AP4E1: variants seen among roughly 807,000 people sequenced by gnomAD.
AP4E1 encodes the protein adaptor related protein complex 4 subunit epsilon 1.
A neutral mutation model predicts 128.2 loss-of-function variants in AP4E1; 56 were observed. The ratio of observed to expected loss-of-function variants is 0.44; its 90% CI spans 0.35 to 0.55. The LOEUF (loss-of-function observed/expected upper bound fraction) is 0.55. Ranked by LOEUF, AP4E1 falls within the 20% of genes least tolerant of loss-of-function variation. AP4E1 has a pLI of 0.00. For synonymous variants in AP4E1, 484 were observed against 473.1 expected (o/e 1.02, Z -0.30); for missense variants, 1,324 against 1,307.7 (o/e 1.01, Z -0.19).
intron 3 of AP4E1, among the ~76,000 whole-genome samples, chr15:50,922,259 A>T (rs903484516): frequency 6.6e-6 from 1 of 151,532 alleles, no homozygotes; most frequent in Non-Finnish European, 1.5e-5. Context: ...TTGAGCTTGG[A>T]AGGTAGAGGC....
At chr15:50,948,899 G>A (rs1185291729) in intron 11 of AP4E1, among the ~76,000 whole-genome samples, 2 of 151,408 alleles carry the variant, frequency 1.3e-5, no homozygotes, top group African/African-American at 4.9e-5. Context: ...TTGAAACTGG[G>A]AGGCGGAGGT....
intron 1 of AP4E1, 88 bp downstream of exon 1, chr15:50,909,016 C>T (rs2063532026): frequency 5.7e-6 from 9 of 1,571,286 alleles, no homozygotes; most frequent in Non-Finnish European, 7.7e-6. Flanking sequence ...GACTTCAGGG[C>T]CTCTGGGGTT....
At chr15:50,947,415 C>CA (rs34715973) in intron 10 of AP4E1, among the ~76,000 whole-genome samples, 3,790 of 117,098 alleles carry the variant, frequency 0.032, 65 homozygotes, top group Middle Eastern at 0.045. Flanking sequence ...GACCCTGTCT[C>CA]AAAAAAAAAA....
chr15:50,978,113 A>T (rs1438881125), intron 15 of AP4E1, among the ~76,000 whole-genome samples: 1 of 152,206 alleles, frequency 6.6e-6, no homozygotes, highest in Non-Finnish European at 1.5e-5. Flanking sequence ...TAGAAAAATG[A>T]ATAAACTTCA....
intron 15 of AP4E1, among the ~76,000 whole-genome samples, chr15:50,969,763 A>G (rs1038316467): frequency 1.3e-5 from 2 of 148,842 alleles, no homozygotes; most frequent in African/African-American, 5.0e-5. Context: ...GGTTCATGCC[A>G]TTCTCCTGCC....
chr15:50,923,308 T>G (rs937152796), intron 3 of AP4E1, among the ~76,000 whole-genome samples: 2 of 152,226 alleles, frequency 1.3e-5, no homozygotes. Flanking sequence ...ACTTTAAAAA[T>G]GTTTTAATAT....
chr15:50,920,280 A>T (rs1383415230), intron 3 of AP4E1, among the ~76,000 whole-genome samples: 1 of 150,962 alleles, frequency 6.6e-6, no homozygotes. Context: ...TGCCTAGCTA[A>T]TTTTTTGTAT....
At chr15:50,988,741 T>C (rs1268775896) in intron 16 of AP4E1, among the ~76,000 whole-genome samples, 1 of 152,170 alleles carries the variant, frequency 6.6e-6, no homozygotes, top group Non-Finnish European at 1.5e-5. Context: ...CTCTATTGCT[T>C]TCACACCGTT....
chr15:50,986,470 G>C (rs2064725495), intron 16 of AP4E1, among the ~76,000 whole-genome samples: 1 of 152,138 alleles, frequency 6.6e-6, no homozygotes, highest in African/African-American at 2.4e-5. Context: ...TTATTATTTT[G>C]AGATACGTCC....
chr15:50,918,190 A>T (rs1009515997), intron 3 of AP4E1: 1 of 152,266 alleles, frequency 6.6e-6, no homozygotes, highest in Non-Finnish European at 1.5e-5. Context: ...AGGCATACAA[A>T]TGACCATGGG....
At chr15:50,932,637 G>A (rs759715555) in intron 7 of AP4E1, among the ~76,000 whole-genome samples, 11 of 152,134 alleles carry the variant, frequency 7.2e-5, no homozygotes, top group Non-Finnish European at 1.5e-4. Context: ...GTATTCTAAT[G>A]TTTTAGCCTA....
Position 50,999,091 on chromosome 15 carries a change from G to T in AP4E1, c.2924G>T (p.Cys975Phe). 6.2e-7 allele frequency: 1 copy of T among 1,614,000 alleles called. No individual in the cohort carries two copies. The highest frequency in any genetic ancestry group is 8.5e-7 in the Non-Finnish European group (1 of 1,179,950). The change falls in exon 19 of 21, where the codon TGC (cysteine) becomes TTC (phenylalanine). Residue 975 changes from cysteine to phenylalanine, a missense_variant. Transcript: ENST00000261842. ...ENFKVTEQPG[C>F]CLPVMEAEST... Reference sequence around the variant, plus strand: ...TTGCAGGTGACTGAGCAACCTGGATGCTGTTTGCCTGTAATGGAAGCAGAA... The same window carrying T: ...TTGCAGGTGACTGAGCAACCTGGATTCTGTTTGCCTGTAATGGAAGCAGAA...
At chr15:50,909,439 T>C (rs2063536903) in intron 1 of AP4E1, among the ~76,000 whole-genome samples, 1 of 152,178 alleles carries the variant, frequency 6.6e-6, no homozygotes, top group Non-Finnish European at 1.5e-5. Flanking sequence ...TTGTTGAATA[T>C]CTTTGGGGAG....
chr15:50,965,101 G>A (rs906716660), intron 14 of AP4E1, among the ~76,000 whole-genome samples: 2 of 151,978 alleles, frequency 1.3e-5, no homozygotes, highest in Non-Finnish European at 2.9e-5. Flanking sequence ...AACAGATGCC[G>A]GTATCATGCT....
intron 2 of AP4E1, among the ~76,000 whole-genome samples, chr15:50,913,823 CAGGGTGGG>C (rs929736680): frequency 2.0e-5 from 3 of 151,924 alleles, no homozygotes; most frequent in Non-Finnish European, 4.4e-5. Flanking sequence ...TTGGGGGCGG[CAGGGTGGG>C]AGGATGGAGT....
intron 3 of AP4E1, chr15:50,918,145 T>A (rs1012680982): frequency 8.5e-5 from 13 of 152,184 alleles, no homozygotes; most frequent in African/African-American, 2.9e-4. Context: ...ATTGCCTTCA[T>A]GAAGGCATGA....
intron 13 of AP4E1, among the ~76,000 whole-genome samples, chr15:50,953,271 C>T (rs1187876164): frequency 6.6e-6 from 1 of 152,056 alleles, no homozygotes; most frequent in Non-Finnish European, 1.5e-5. Context: ...CGTGGCATGT[C>T]ACTCCACTTA....
intron 13 of AP4E1, 122 bp downstream of exon 13, chr15:50,950,291 A>C: frequency 4.6e-6 from 3 of 658,226 alleles, no homozygotes; most frequent in Non-Finnish European, 7.8e-6. Flanking sequence ...TCAATTTTTC[A>C]AATGGCCACC....
chr15:50,948,396 A>G (rs1057367155), intron 11 of AP4E1, among the ~76,000 whole-genome samples: 5 of 145,242 alleles, frequency 3.4e-5, no homozygotes, highest in African/African-American at 1.3e-4. Context: ...TATTTTGAGC[A>G]GGAAGATAGA....
Sources: gnomAD v4.1 joint callset for allele counts (sites outside exome capture counted in the v4.1 genomes callset) on GRCh38, gnomAD v4.1.1 for gene constraint, MANE v1.5 for transcripts, NCBI Gene and HGNC (gene_info 2026-07-23, HGNC 2026-07-21) for gene names.